RYR2: variants seen among roughly 807,000 people sequenced by gnomAD.
RYR2 encodes the protein cardiac muscle ryanodine receptor-calcium release channel.
RYR2 carries 227 observed loss-of-function variants against 601.1 expected under a neutral mutation model. That is an observed-to-expected ratio of 0.38 (90% CI 0.34 to 0.42). The LOEUF (loss-of-function observed/expected upper bound fraction) is 0.42. Ranked by LOEUF, RYR2 falls within the 10% of genes least tolerant of loss-of-function variation. The pLI is 1.00. For synonymous variants in RYR2, 2,223 were observed against 2,175.1 expected (o/e 1.02, Z -0.61); for missense variants, 4,646 against 6,156.5 (o/e 0.75, Z 8.21).
chr1:237,456,830 A>G (rs1658889496), intron 16 of RYR2, 95 bp downstream of exon 16: 4 of 1,378,414 alleles, frequency 2.9e-6, no homozygotes, highest in African/African-American at 1.4e-5. Flanking sequence ...TAATTCCAGC[A>G]ATTTGGGAGG....
chr1:237,230,608 A>G (rs949995536), intron 1 of RYR2, among the ~76,000 whole-genome samples: 10 of 152,120 alleles, frequency 6.6e-5, no homozygotes, highest in African/African-American at 2.4e-4. Context: ...GTATACTGGG[A>G]ATGTTTTTAT....
At chr1:237,513,778 C>T (rs1427576883) in intron 24 of RYR2, among the ~76,000 whole-genome samples, 1 of 152,168 alleles carries the variant, frequency 6.6e-6, no homozygotes, top group Admixed American at 6.5e-5. Flanking sequence ...GCTCTACGAT[C>T]TAGGTTTGTA....
chr1:237,686,865 A>C (rs554670112), intron 62 of RYR2, among the ~76,000 whole-genome samples: 87 of 152,310 alleles, frequency 5.7e-4, no homozygotes, highest in Non-Finnish European at 9.6e-4. Context: ...AGTGATTATC[A>C]GTTGCTCAAA....
intron 1 of RYR2, among the ~76,000 whole-genome samples, chr1:237,119,826 T>A (rs1466682435): frequency 3.3e-5 from 5 of 152,206 alleles, no homozygotes; most frequent in Admixed American, 2.6e-4. Context: ...TGCCTTGACC[T>A]TCAATCACTG....
At chr1:237,069,845 T>C (rs1558179735) in intron 1 of RYR2, among the ~76,000 whole-genome samples, 4 of 152,196 alleles carry the variant, frequency 2.6e-5, no homozygotes. Context: ...CCCTAACAAT[T>C]GCATTTTATT....
intron 1 of RYR2, among the ~76,000 whole-genome samples, chr1:237,107,718 T>C (rs1668896566): frequency 6.6e-6 from 1 of 151,748 alleles, no homozygotes; most frequent in Non-Finnish European, 1.5e-5. Context: ...GTCACAAAGG[T>C]GTAGGAAACG....
At chr1:237,152,212 C>T (rs1310906832) in intron 1 of RYR2, among the ~76,000 whole-genome samples, 1 of 152,250 alleles carries the variant, frequency 6.6e-6, no homozygotes, top group Non-Finnish European at 1.5e-5. Flanking sequence ...GCATAGTATT[C>T]CATGGTGTAT....
intron 1 of RYR2, among the ~76,000 whole-genome samples, chr1:237,047,773 G>T (rs1174907864): frequency 6.6e-6 from 1 of 151,954 alleles, no homozygotes; most frequent in Non-Finnish European, 1.5e-5. Context: ...CTTTTTCCAG[G>T]TGCTTTTCAT....
intron 24 of RYR2, among the ~76,000 whole-genome samples, chr1:237,521,735 A>G (rs1338991257): frequency 1.2e-5 from 1 of 86,240 alleles, no homozygotes; most frequent in African/African-American, 3.4e-5. Context: ...GAAAAAAAAA[A>G]TTAAATACAT....
At chr1:237,512,353 A>G (rs949844294) in intron 24 of RYR2, among the ~76,000 whole-genome samples, 3 of 152,226 alleles carry the variant, frequency 2.0e-5, no homozygotes, top group African/African-American at 7.2e-5. Flanking sequence ...TTAGTTCTTC[A>G]CCATAGGTAA....
intron 10 of RYR2, among the ~76,000 whole-genome samples, chr1:237,398,751 A>G (rs1703078841): frequency 6.6e-6 from 1 of 152,264 alleles, no homozygotes; most frequent in Non-Finnish European, 1.5e-5. Context: ...TTTATTCTAA[A>G]GAATGAAAAC....
chr1:237,356,008 A>C, intron 4 of RYR2, 23 bp downstream of exon 4: 1 of 1,603,722 alleles, frequency 6.2e-7, no homozygotes. Context: ...ATGTATTTGC[A>C]AAGAAATTGT....
intron 17 of RYR2, among the ~76,000 whole-genome samples, chr1:237,488,796 G>T (rs980011799): frequency 2.0e-5 from 3 of 151,786 alleles, no homozygotes; most frequent in African/African-American, 7.3e-5. Flanking sequence ...ACCATCCTTC[G>T]CTGACTCCTT....
chr1:237,527,272 A>G (rs1484528666), intron 24 of RYR2, among the ~76,000 whole-genome samples: 2 of 152,160 alleles, frequency 1.3e-5, no homozygotes, highest in African/African-American at 4.8e-5. Context: ...TGCCTTGGCT[A>G]TTCGGACTCT....
At chr1:237,494,007 G>A (rs1408534982) in intron 19 of RYR2, among the ~76,000 whole-genome samples, 2 of 152,248 alleles carry the variant, frequency 1.3e-5, no homozygotes, top group South Asian at 2.1e-4. Flanking sequence ...AACTGGAAGT[G>A]GAACTTAGAT....
chr1:237,553,509 C>G (rs953122617), intron 27 of RYR2, among the ~76,000 whole-genome samples: 2 of 151,922 alleles, frequency 1.3e-5, no homozygotes, highest in Non-Finnish European at 2.9e-5. Flanking sequence ...AGTCTTCCAA[C>G]TTCTTTCATA....
At chr1:237,606,444 C>A (rs1364844036) in intron 35 of RYR2, among the ~76,000 whole-genome samples, 2 of 152,068 alleles carry the variant, frequency 1.3e-5, no homozygotes, top group Admixed American at 6.6e-5. Flanking sequence ...CTTAAATGTT[C>A]GACCTAAAAC....
chr1:237,717,362 T>G lies in RYR2; in HGVS notation c.10488T>G (p.Phe3496Leu), dbSNP rs794728768. 6.2e-7 allele frequency: 1 copy of G among 1,601,820 alleles called. No individual in the cohort carries two copies. Among genetic ancestry groups the G allele is most frequent in the Admixed American group, 1.7e-5 (1 of 58,674 alleles). Residue 3496 changes from phenylalanine to leucine, a missense_variant, in exon 72 of 105, where the codon TTT (phenylalanine) becomes TTG (leucine). By Grantham distance (22) the Phe-to-Leu change is conservative. Transcript: ENST00000366574. ...TCATTGCTCTGGCCAAAAATCGATTTAGCCTGGTAAGTCTCCTTTTCATCC... is the reference window on the plus strand; with the variant it reads ...TCATTGCTCTGGCCAAAAATCGATTGAGCCTGGTAAGTCTCCTTTTCATCC... ...QELIALAKNR[F>L]SLKDTEDEVR...
At chr1:237,095,868 C>T (rs1263631417) in intron 1 of RYR2, among the ~76,000 whole-genome samples, 1 of 152,136 alleles carries the variant, frequency 6.6e-6, no homozygotes, top group Non-Finnish European at 1.5e-5. Context: ...TCAGAATAGG[C>T]GGGGAAGTGG....
Sources: allele counts gnomAD v4.1 joint callset (sites outside exome capture counted in the v4.1 genomes callset), GRCh38; gene constraint gnomAD v4.1.1; transcripts MANE v1.5; gene names NCBI Gene and HGNC (gene_info 2026-07-23, HGNC 2026-07-21).